PARD3: variants seen among roughly 807,000 people sequenced by gnomAD.
PARD3 encodes par-3 family cell polarity regulator.
In PARD3, 75 loss-of-function variants were observed where a neutral mutation model predicts 155.4. The observed-to-expected ratio is 0.48, with a 90% CI of 0.40 to 0.58. The LOEUF (loss-of-function observed/expected upper bound fraction) is 0.58, where lower values mean the gene tolerates loss of function less well. Among genes scored for constraint, PARD3 ranks in the 20% least tolerant of loss-of-function variants. The pLI is 0.00. For synonymous variants in PARD3, 576 were observed against 610.5 expected (o/e 0.94, Z 0.83); for missense variants, 1,642 against 1,721.7 (o/e 0.95, Z 0.82).
intron 24 of PARD3, among the ~76,000 whole-genome samples, chr10:34,113,431 G>T (rs1407692194): frequency 6.6e-6 from 1 of 152,022 alleles, no homozygotes; most frequent in African/African-American, 2.4e-5. Context: ...TCAGTATAGA[G>T]AGAAGGAAGC....
chr10:34,445,526 C>T (rs1044224062), intron 5 of PARD3, among the ~76,000 whole-genome samples: 6 of 152,132 alleles, frequency 3.9e-5, no homozygotes, highest in South Asian at 4.1e-4. Context: ...CCTTCTCAGT[C>T]CACATAGACA....
At chr10:34,287,842 C>T (rs571909519) in intron 20 of PARD3, among the ~76,000 whole-genome samples, 8 of 152,114 alleles carry the variant, frequency 5.3e-5, no homozygotes, top group Non-Finnish European at 8.8e-5. Flanking sequence ...TTTCCTAGAC[C>T]ACCCCCTAAT....
chr10:34,456,746 T>C (rs1299994340), intron 4 of PARD3, among the ~76,000 whole-genome samples: 1 of 152,218 alleles, frequency 6.6e-6, no homozygotes, highest in African/African-American at 2.4e-5. Context: ...TACTAGGATT[T>C]TTCCTTTGAA....
At chr10:34,584,044 G>A (rs952243693) in intron 2 of PARD3, among the ~76,000 whole-genome samples, 4 of 152,076 alleles carry the variant, frequency 2.6e-5, no homozygotes, top group Admixed American at 6.6e-5. Context: ...TAGATTATAC[G>A]TGATACACAA....
chr10:34,343,399 A>G, intron 15 of PARD3: 1 of 983,930 alleles, frequency 1.0e-6, no homozygotes, highest in Non-Finnish European at 1.2e-6. Context: ...TTTTTTTGTA[A>G]TCTGTTGTTC....
chr10:34,159,720 G>A (rs1195055402), intron 22 of PARD3, among the ~76,000 whole-genome samples: 1 of 152,164 alleles, frequency 6.6e-6, no homozygotes, highest in Admixed American at 6.5e-5. Flanking sequence ...CTATACATGA[G>A]GCTCTATTCT....
At chr10:34,376,514 C>T (rs535843110) in intron 10 of PARD3, among the ~76,000 whole-genome samples, 18 of 152,228 alleles carry the variant, frequency 1.2e-4, no homozygotes, top group African/African-American at 4.1e-4. Flanking sequence ...CGTGGGCTAA[C>T]GTACCACTCA....
intron 3 of PARD3, among the ~76,000 whole-genome samples, chr10:34,505,158 T>C (rs2080978715): frequency 6.6e-6 from 1 of 152,226 alleles, no homozygotes; most frequent in Non-Finnish European, 1.5e-5. Flanking sequence ...GGAAATGGGA[T>C]TTCTTGCTTT....
At chr10:34,149,087 C>CTTTAAAATTTTATAAT (rs1424116737) in intron 22 of PARD3, among the ~76,000 whole-genome samples, 19 of 152,164 alleles carry the variant, frequency 1.2e-4, no homozygotes, top group African/African-American at 3.9e-4. Context: ...TTCTGAAAAG[C>CTTTAAAATTTTATAAT]TGAATCTTAT....
At chr10:34,193,637 C>T (rs992234899) in intron 22 of PARD3, among the ~76,000 whole-genome samples, 3 of 152,210 alleles carry the variant, frequency 2.0e-5, no homozygotes, top group Non-Finnish European at 2.9e-5. Flanking sequence ...AATTTAAAAC[C>T]TATTTCTTTT....
At chr10:34,535,628 T>C (rs965311780) in intron 2 of PARD3, among the ~76,000 whole-genome samples, 7 of 152,012 alleles carry the variant, frequency 4.6e-5, no homozygotes, top group African/African-American at 7.2e-5. Flanking sequence ...GCGTGCACCA[T>C]TACCACCTGG....
intron 22 of PARD3, among the ~76,000 whole-genome samples, chr10:34,157,484 G>A (rs770191336): frequency 6.6e-6 from 1 of 152,292 alleles, no homozygotes; most frequent in South Asian, 2.1e-4. Context: ...CCAGCCATGT[G>A]CACCTTTTTC....
intron 5 of PARD3, among the ~76,000 whole-genome samples, chr10:34,421,287 A>C (rs917749600): frequency 1.3e-5 from 2 of 151,234 alleles, no homozygotes; most frequent in African/African-American, 4.8e-5. Flanking sequence ...TTATTGTACT[A>C]CTTATTAATA....
At chr10:34,293,413 CAAATAAT>C (rs1287926481) in intron 20 of PARD3, among the ~76,000 whole-genome samples, 6 of 152,062 alleles carry the variant, frequency 3.9e-5, no homozygotes, top group African/African-American at 1.4e-4. Flanking sequence ...TACCCAAATG[CAAATAAT>C]AATCACATTA....
intron 2 of PARD3, among the ~76,000 whole-genome samples, chr10:34,610,868 A>C (rs1403443395): frequency 2.6e-5 from 4 of 151,974 alleles, no homozygotes; most frequent in Non-Finnish European, 5.9e-5. Flanking sequence ...AGACCTATTT[A>C]TGTCTGTAAA....
At chr10:34,199,328 T>C (rs1951100074) in intron 22 of PARD3, among the ~76,000 whole-genome samples, 1 of 152,188 alleles carries the variant, frequency 6.6e-6, no homozygotes. Flanking sequence ...GCTTTGGTGT[T>C]TGGCTTTCTG....
At chr10:34,455,974 T>C (rs976500445) in intron 4 of PARD3, among the ~76,000 whole-genome samples, 5 of 152,250 alleles carry the variant, frequency 3.3e-5, no homozygotes, top group African/African-American at 1.2e-4. Flanking sequence ...GTATACATCT[T>C]ACTTTTCCTT....
chr10:34,138,992 A>G (rs574361179), intron 22 of PARD3, among the ~76,000 whole-genome samples: 18 of 151,606 alleles, frequency 1.2e-4, no homozygotes, highest in African/African-American at 3.4e-4. Context: ...GCTTTTTCCT[A>G]TTGATACATT....
chr10:34,362,096 G>A (rs1839505076), intron 12 of PARD3, among the ~76,000 whole-genome samples: 1 of 152,216 alleles, frequency 6.6e-6, no homozygotes, highest in East Asian at 1.9e-4. Flanking sequence ...TCAGGAGATC[G>A]AGACCATCCT....
Sources: allele counts gnomAD v4.1 joint callset (sites outside exome capture counted in the v4.1 genomes callset), GRCh38; gene constraint gnomAD v4.1.1; transcripts MANE v1.5; gene names NCBI Gene and HGNC (gene_info 2026-07-23, HGNC 2026-07-21).